The following ICE1 variants were observed in gnomAD, a reference collection of about 807,000 sequenced individuals.
ICE1 encodes the protein little elongation complex subunit 1.
A neutral mutation model predicts 192.7 loss-of-function variants in ICE1; 64 were observed. The observed-to-expected ratio is 0.33, with a 90% CI of 0.27 to 0.41. The LOEUF is 0.41. ICE1 is among the 10% of genes least tolerant of loss of function. The pLI is 1.00. For synonymous variants in ICE1, 1,010 were observed against 984.5 expected, an observed-to-expected ratio of 1.03 and a Z score of -0.49; for missense variants, 2,708 against 2,696.0, an observed-to-expected ratio of 1.00 and a Z score of -0.10.
At chr5:5,477,851 C>G (rs1418870714) in intron 17 of ICE1, among the ~76,000 whole-genome samples, 1 of 152,204 alleles carries the variant, frequency 6.6e-6, no homozygotes, top group Non-Finnish European at 1.5e-5. Context: ...TAAGCCTAAT[C>G]CATCACATAA....
chr5:5,435,145 A>G (rs894106449), intron 1 of ICE1, among the ~76,000 whole-genome samples: 1 of 152,242 alleles, frequency 6.6e-6, no homozygotes, highest in African/African-American at 2.4e-5. Context: ...AATTTGATAG[A>G]TGGAGTACAT....
At position 5,445,590 on chromosome 5, in the gene ICE1, C is replaced by A. The variant is rs986811703; in HGVS notation, c.424+1264C>A. ...GGGACTACAGGCACGCACCACCAAA[C>A]CTAGCTAATTTTTGGCTTTCACCAT... On this transcript the variant is annotated intron_variant, in intron 7 of 18. Transcript: ENST00000296564. Among the ~76,000 whole-genome samples the A allele has an allele frequency of 2.0e-5, 3 of 151,956 alleles. No individual in the cohort carries two copies. The East Asian group carries it at 5.8e-4, about 29-fold the overall frequency.
intron 10 of ICE1, among the ~76,000 whole-genome samples, chr5:5,451,344 G>C (rs1312072524): frequency 6.6e-6 from 1 of 152,080 alleles, no homozygotes; most frequent in South Asian, 2.1e-4. Context: ...GGAGAATGAA[G>C]TGTTTAACTG....
chr5:5,426,327 C>T (rs753199736), intron 1 of ICE1, among the ~76,000 whole-genome samples: 2 of 152,080 alleles, frequency 1.3e-5, no homozygotes, highest in Non-Finnish European at 2.9e-5. Flanking sequence ...CGCCTGTAAT[C>T]CCAGCTACTC....
At chr5:5,476,266 T>C (rs1739309196) in intron 17 of ICE1, among the ~76,000 whole-genome samples, 187 bp downstream of exon 17, 1 of 152,108 alleles carries the variant, frequency 6.6e-6, no homozygotes, top group African/African-American at 2.4e-5. Context: ...TTTATTCATC[T>C]TTTTCAGAGA....
intron 7 of ICE1, among the ~76,000 whole-genome samples, chr5:5,445,696 G>A (rs138399819): frequency 0.011 from 1,597 of 151,824 alleles, 30 homozygotes; most frequent in Middle Eastern, 0.034. Flanking sequence ...TTACAGGTGT[G>A]AGCCACTGCA....
intron 12 of ICE1, among the ~76,000 whole-genome samples, chr5:5,458,909 G>A (rs1228663110): frequency 6.6e-6 from 1 of 152,022 alleles, no homozygotes. Context: ...GTCTCACTCT[G>A]TTGCCCAGAC....
intron 10 of ICE1, among the ~76,000 whole-genome samples, chr5:5,454,199 G>T (rs1022968045): frequency 5.3e-5 from 8 of 152,094 alleles, no homozygotes; most frequent in African/African-American, 1.9e-4. Flanking sequence ...CCATCTCAAA[G>T]CACTCTCTGG....
At chr5:5,457,266 CTTTT>C (rs200377078) in intron 11 of ICE1, 62 bp from the exon 12 acceptor site, 2 of 1,084,826 alleles carry the variant, frequency 1.8e-6, no homozygotes, top group Admixed American at 6.4e-5. Flanking sequence ...TTCTTTCTTT[CTTTT>C]TTTTTTTTAA....
At chr5:5,425,873 G>A (rs1737503374) in intron 1 of ICE1, among the ~76,000 whole-genome samples, 1 of 152,146 alleles carries the variant, frequency 6.6e-6, no homozygotes, top group Non-Finnish European at 1.5e-5. Context: ...GAATAAAGAA[G>A]AAAAAGGTTC....
At position 5,457,689 on chromosome 5, in the gene ICE1, C is replaced by G. The variant is rs769114639; in HGVS notation, c.1049C>G (p.Pro350Arg). The G allele has an allele frequency of 1.9e-6, 3 of 1,613,882 alleles. No homozygotes were observed. Among genetic ancestry groups the G allele is most frequent in the Non-Finnish European group, 2.5e-6 (3 of 1,179,872 alleles). The change falls in exon 12 of 19, where the codon CCC becomes CGC. Residue 350 changes from proline (P) to arginine (R), a missense_variant. By Grantham distance (103) the Pro-to-Arg change is moderately radical. Around this residue, in one of 2 missense-constraint regions of ICE1, gnomAD observed 2,366 missense variants for 2,276.6 expected, o/e 1.04. Transcript: ENST00000296564. ...CCTCTTCTGTCACCAGTGCCCTCGCCCCCTCCGATGTCATCACCTCACCCG... is the reference window on the plus strand; with the variant it reads ...CCTCTTCTGTCACCAGTGCCCTCGCGCCCTCCGATGTCATCACCTCACCCG... ...PPPLLSPVPS[P>R]PPMSSPHPGS...
At chr5:5,475,340 T>G (rs1410428433) in intron 16 of ICE1, among the ~76,000 whole-genome samples, 4 of 152,190 alleles carry the variant, frequency 2.6e-5, no homozygotes, top group African/African-American at 9.7e-5. Context: ...AGAGTAATAA[T>G]GATCTGAGAC....
chr5:5,480,215 T>TA (rs1393513965), intron 17 of ICE1, among the ~76,000 whole-genome samples: 1 of 152,094 alleles, frequency 6.6e-6, no homozygotes, highest in Non-Finnish European at 1.5e-5. Flanking sequence ...TGAAGATAAT[T>TA]ATGACTTTTA....
intron 1 of ICE1, among the ~76,000 whole-genome samples, chr5:5,426,222 G>A (rs1222138284): frequency 6.6e-6 from 1 of 152,202 alleles, no homozygotes; most frequent in African/African-American, 2.4e-5. Context: ...CCAAGGCAGT[G>A]GATCACGAGG....
chr5:5,458,809 G>A (rs1738660838), intron 12 of ICE1, among the ~76,000 whole-genome samples: 1 of 152,090 alleles, frequency 6.6e-6, no homozygotes, highest in South Asian at 2.1e-4. Flanking sequence ...GGGAGTGGGG[G>A]GATAGTCAGA....
chr5:5,459,901 G>T (rs1049842644), intron 12 of ICE1, among the ~76,000 whole-genome samples: 3 of 152,148 alleles, frequency 2.0e-5, no homozygotes, highest in African/African-American at 7.2e-5. Context: ...AGCACAGGTG[G>T]GTTGATGACA....
At chr5:5,476,777 G>C (rs984489784) in intron 17 of ICE1, among the ~76,000 whole-genome samples, 1 of 152,140 alleles carries the variant, frequency 6.6e-6, no homozygotes. Flanking sequence ...TCCAGCACTG[G>C]GGATTACAAT....
chr5:5,464,926 A>G lies in ICE1; in HGVS notation c.5592A>G (p.Ala1864=), dbSNP rs1443772006. 6.2e-7 allele frequency: 1 copy of G among 1,613,566 alleles called. No individual in the cohort carries two copies. The highest frequency in any genetic ancestry group is 1.7e-5 in the Admixed American group (1 of 59,972). The change falls in exon 13 of 19, where the codon GCA becomes GCG. Residue 1864 remains alanine, a synonymous_variant. Coordinates refer to ENST00000296564, the MANE Select transcript of ICE1 (RefSeq NM_015325.3). The surrounding 1 kb of genome is among the most constrained non-coding windows in gnomAD (Gnocchi z 4.0). The part of the protein sequence containing the change: ...SPEPETRGVT[A]EGIHKNLPGN... ...AACCAGAAACCAGGGGAGTCACTGC[A>G]GAAGGAATCCACAAAAACCTCCCAG...
At chr5:5,433,870 C>T (rs937193652) in intron 1 of ICE1, among the ~76,000 whole-genome samples, 1 of 151,236 alleles carries the variant, frequency 6.6e-6, no homozygotes, top group South Asian at 2.1e-4. Flanking sequence ...CAGTTTTTAG[C>T]AAGGGAAAGG....
Sources: gnomAD v4.1 joint callset for allele counts (sites outside exome capture counted in the v4.1 genomes callset) on GRCh38, gnomAD v4.1.1 for gene constraint, gnomAD v4.1.1 regional missense constraint, Gnocchi (gnomAD v3.1) non-coding constraint, MANE v1.5 for transcripts, NCBI Gene and HGNC (gene_info 2026-07-23, HGNC 2026-07-21) for gene names.